The following FKBP5 variants were observed in gnomAD, a reference collection of about 807,000 sequenced individuals.
The protein encoded by FKBP5 is FKBP prolyl isomerase 5.
FKBP5 carries 23 observed loss-of-function variants against 50.5 expected under a neutral mutation model. That is an observed-to-expected ratio of 0.46 (90% CI 0.33 to 0.65). The LOEUF is 0.65. Ranked by LOEUF, FKBP5 falls within the 30% of genes least tolerant of loss-of-function variation. The probability of loss-of-function intolerance (pLI) is 0.02; values close to 1 mark genes in which losing one functional copy is unlikely to be tolerated. For missense variants in FKBP5, 411 were observed against 553.1 expected, an observed-to-expected ratio of 0.74 and a Z score of 2.58; for synonymous variants, 176 against 190.6, an observed-to-expected ratio of 0.92 and a Z score of 0.63.
chr6:35,710,776 T>C (rs1171182424), intron 2 of FKBP5, among the ~76,000 whole-genome samples: 4 of 152,158 alleles, frequency 2.6e-5, no homozygotes, highest in Non-Finnish European at 5.9e-5. Context: ...AAACAAACTA[T>C]GGTATAACCA....
chr6:35,705,096 G>GC (rs1474816109), intron 2 of FKBP5, among the ~76,000 whole-genome samples: 1 of 150,278 alleles, frequency 6.7e-6, no homozygotes, highest in Non-Finnish European at 1.5e-5. Context: ...AGCTGACATC[G>GC]CGCCACTGCA....
At chr6:35,621,847 G>A (rs1356625004) in intron 3 of FKBP5, among the ~76,000 whole-genome samples, 1 of 151,880 alleles carries the variant, frequency 6.6e-6, no homozygotes, top group Non-Finnish European at 1.5e-5. Flanking sequence ...AATGAGCCAG[G>A]CGTGGTGGTG....
chr6:35,597,471 T>C, intron 5 of FKBP5, 67 bp from the exon 6 acceptor site: 2 of 1,523,224 alleles, frequency 1.3e-6, no homozygotes, highest in Non-Finnish European at 8.8e-7. Flanking sequence ...AGTGAAGTGA[T>C]AAATGAGTGG....
intron 1 of FKBP5, among the ~76,000 whole-genome samples, chr6:35,728,059 CAG>C (rs977381761): frequency 3.3e-5 from 5 of 152,196 alleles, no homozygotes; most frequent in Non-Finnish European, 7.4e-5. Flanking sequence ...CGAGCACAAA[CAG>C]GGCGAGGAGG....
At position 35,573,789 on chromosome 6, in the gene FKBP5, T is replaced by C. The variant is rs1270588082; in HGVS notation, c.*2046A>G. ...GAATTTGATACAAGAATACGTGAAG[T>C]GTCTTCTTGAGTGGTAATGGGCACC... On this transcript the variant is annotated 3_prime_UTR_variant, in exon 11 of 11. Coordinates refer to ENST00000357266, the MANE Select transcript of FKBP5 (RefSeq NM_004117.4). 1 of 152,054 alleles carries C rather than the reference T, an allele frequency of 6.6e-6. No individual in the cohort carries two copies. The highest frequency in any genetic ancestry group is 1.5e-5 in the Non-Finnish European group (1 of 67,936). The allele number at this position is 152,054 out of a possible 1,614,324, so 9.4% of individuals were successfully genotyped here.
chr6:35,694,443 T>C (rs1766051476), intron 2 of FKBP5, among the ~76,000 whole-genome samples: 1 of 152,204 alleles, frequency 6.6e-6, no homozygotes, highest in Non-Finnish European at 1.5e-5. Context: ...CACCACTCCC[T>C]GCCCCATTAT....
At chr6:35,713,990 T>A (rs1347852832) in intron 2 of FKBP5, among the ~76,000 whole-genome samples, 1 of 151,940 alleles carries the variant, frequency 6.6e-6, no homozygotes, top group African/African-American at 2.4e-5. Flanking sequence ...CCCCAGCCCA[T>A]CCACTGAGAT....
chr6:35,721,002 C>T (rs1197018668), intron 1 of FKBP5, among the ~76,000 whole-genome samples: 1 of 152,136 alleles, frequency 6.6e-6, no homozygotes, highest in Admixed American at 6.6e-5. Flanking sequence ...AAAGGCAAGG[C>T]TTGAAGTCAT....
At position 35,642,794 on chromosome 6, in the gene FKBP5, C is replaced by T. The variant is rs1485924404; in HGVS notation, c.31G>A (p.Glu11Lys). The change falls in exon 2 of 11, where the codon GAA (glutamate) becomes AAA (lysine). Residue 11 changes from glutamate to lysine, a missense_variant. Glu to Lys is a moderately conservative substitution (Grantham distance 56). Coordinates refer to ENST00000357266, the MANE Select transcript of FKBP5 (RefSeq NM_004117.4). MTTDEGAKNN[E>K]ESPTATVAEQ... is the part of the protein sequence containing the mutation. ...GCAACAGTGGCTGTGGGGCTTTCTT[C>T]ATTGTTCTTGGCACCTTCATCAGTA... 3.7e-6 allele frequency: 6 copies of T among 1,613,976 alleles called. No homozygotes were observed. Among genetic ancestry groups the T allele is most frequent in the Non-Finnish European group, 4.2e-6 (5 of 1,179,966 alleles).
chr6:35,722,668 G>A lies in FKBP5; in HGVS notation c.-240-2120C>T, dbSNP rs114840894. Reference sequence around the variant, plus strand: ...ACCAGAGAACACCGGGCTGCTTCACGCCTGTGTGCTTTTATACACACTGTT... The same window carrying A: ...ACCAGAGAACACCGGGCTGCTTCACACCTGTGTGCTTTTATACACACTGTT... On this transcript the variant is annotated intron_variant, in intron 1 of 11. Transcript: ENST00000536438. Among the ~76,000 whole-genome samples the A allele has an allele frequency of 4.5e-3, 692 of 152,242 alleles. 4 individuals are homozygous for A. The highest frequency in any genetic ancestry group is 8.2e-3 in the Non-Finnish European group (561 of 68,014).
At chr6:35,693,011 T>C (rs1360115019), upstream of FKBP5, among the ~76,000 whole-genome samples, 1 of 150,056 alleles carries the variant, frequency 6.7e-6, no homozygotes, top group East Asian at 1.9e-4. Context: ...TTTCTGTCTT[T>C]TATCCTTCTA....
chr6:35,698,730 G>C (rs1766127404), intron 2 of FKBP5, among the ~76,000 whole-genome samples: 1 of 152,200 alleles, frequency 6.6e-6, no homozygotes, highest in South Asian at 2.1e-4. Context: ...AGTGATTTCT[G>C]CTTCTGCTTC....
At chr6:35,604,111 T>C (rs764336836) in intron 5 of FKBP5, among the ~76,000 whole-genome samples, 4 of 150,298 alleles carry the variant, frequency 2.7e-5, no homozygotes, top group Non-Finnish European at 5.9e-5. Context: ...GGACTCAAGC[T>C]ACTCTCCTTC....
At chr6:35,681,803 T>G (rs560143691) in intron 1 of FKBP5, among the ~76,000 whole-genome samples, 1 of 152,206 alleles carries the variant, frequency 6.6e-6, no homozygotes, top group African/African-American at 2.4e-5. Flanking sequence ...TTATATATAA[T>G]GTAAAAAAGA....
chr6:35,708,592 A>C (rs1261657376), intron 2 of FKBP5, among the ~76,000 whole-genome samples: 1 of 151,328 alleles, frequency 6.6e-6, no homozygotes, highest in Non-Finnish European at 1.5e-5. Flanking sequence ...TTTTTTAATG[A>C]GGCAAATCTA....
chr6:35,662,381 C>T (rs890649746), intron 1 of FKBP5, among the ~76,000 whole-genome samples: 70 of 151,178 alleles, frequency 4.6e-4, no homozygotes, highest in African/African-American at 1.6e-3. Context: ...CTCAAATAGT[C>T]CTCCCACCTC....
chr6:35,649,713 A>C (rs752947037), intron 1 of FKBP5, among the ~76,000 whole-genome samples: 1 of 152,214 alleles, frequency 6.6e-6, no homozygotes, highest in Non-Finnish European at 1.5e-5. Flanking sequence ...AGTAGAGAGC[A>C]AAGGCTTGAG....
intron 3 of FKBP5, among the ~76,000 whole-genome samples, chr6:35,635,890 C>A (rs538973415): frequency 2.9e-4 from 44 of 152,236 alleles, no homozygotes; most frequent in African/African-American, 8.7e-4. Context: ...AGGGTAGGAG[C>A]CCTTTAACAA....
At chr6:35,619,650 G>C (rs1763768185) in intron 4 of FKBP5, among the ~76,000 whole-genome samples, 2 of 152,114 alleles carry the variant, frequency 1.3e-5, no homozygotes, top group African/African-American at 2.4e-5. Flanking sequence ...TAGCTGGGGT[G>C]GTTCTTAAAA....
Sources: allele counts gnomAD v4.1 joint callset (sites outside exome capture counted in the v4.1 genomes callset), GRCh38; gene constraint gnomAD v4.1.1; transcripts MANE v1.5; gene names NCBI Gene and HGNC (gene_info 2026-07-23, HGNC 2026-07-21).